Variants in KIT observed in about 807,000 individuals in gnomAD.
The protein encoded by KIT is KIT proto-oncogene, receptor tyrosine kinase, also known as mast/stem cell growth factor receptor Kit.
A neutral mutation model predicts 105.7 loss-of-function variants in KIT; 16 were observed. The ratio of observed to expected loss-of-function variants is 0.15; its 90% CI spans 0.10 to 0.23. The LOEUF is 0.23. Ranked by LOEUF, KIT falls within the 10% of genes least tolerant of loss-of-function variation. The probability of loss-of-function intolerance (pLI) is 1.00; values close to 1 mark genes in which losing one functional copy is unlikely to be tolerated. For synonymous variants in KIT, 438 were observed against 441.1 expected (o/e 0.99, Z 0.09); for missense variants, 858 against 1,213.8 (o/e 0.71, Z 4.36).
intron 1 of KIT, among the ~76,000 whole-genome samples, chr4:54,689,102 A>T (rs760177613): frequency 6.6e-6 from 1 of 152,180 alleles, no homozygotes; most frequent in Non-Finnish European, 1.5e-5. Flanking sequence ...GTTTTTGTAA[A>T]TTGGAGGCCC....
chr4:54,688,801 T>C (rs1239754542), intron 1 of KIT, among the ~76,000 whole-genome samples: 1 of 151,832 alleles, frequency 6.6e-6, no homozygotes, highest in Non-Finnish European at 1.5e-5. Flanking sequence ...AACTGAAGAG[T>C]AGTTGAACTA....
At chr4:54,730,903 C>A (rs1722545136) in intron 14 of KIT, among the ~76,000 whole-genome samples, 1 of 152,072 alleles carries the variant, frequency 6.6e-6, no homozygotes, top group Admixed American at 6.6e-5. Flanking sequence ...CTCCATCAGT[C>A]ACTATATGTT....
intron 7 of KIT, among the ~76,000 whole-genome samples, chr4:54,719,763 T>G (rs1339595925): frequency 6.6e-6 from 1 of 152,214 alleles, no homozygotes; most frequent in Non-Finnish European, 1.5e-5. Context: ...GTATATTTAA[T>G]GCCAAACACG....
At chr4:54,682,090 C>CTT (rs375084454) in intron 1 of KIT, among the ~76,000 whole-genome samples, 13,239 of 128,868 alleles carry the variant, frequency 0.1, 1,202 homozygotes, top group African/African-American at 0.25. Flanking sequence ...ACTGAATTTT[C>CTT]TTTTTTTTTT....
chr4:54,707,308 T>C (rs1250174724), intron 6 of KIT, 21 bp downstream of exon 6: 4 of 1,551,328 alleles, frequency 2.6e-6, no homozygotes, highest in Non-Finnish European at 3.6e-6. Context: ...GACCTTGCCC[T>C]GGGGGATTAC....
At chr4:54,694,462 C>T (rs1196892805) in intron 1 of KIT, among the ~76,000 whole-genome samples, 1 of 152,196 alleles carries the variant, frequency 6.6e-6, no homozygotes, top group African/African-American at 2.4e-5. Flanking sequence ...AGTGATCTCC[C>T]ACCTCAGCCT....
intron 2 of KIT, among the ~76,000 whole-genome samples, chr4:54,697,968 G>C (rs1720183380): frequency 6.6e-6 from 1 of 152,152 alleles, no homozygotes; most frequent in Admixed American, 6.5e-5. Context: ...TGTCACTTTA[G>C]GAGGGTTGCT....
At chr4:54,713,234 C>T (rs1170878498) in intron 7 of KIT, among the ~76,000 whole-genome samples, 2 of 151,984 alleles carry the variant, frequency 1.3e-5, no homozygotes, top group African/African-American at 2.4e-5. Context: ...ACACTATACC[C>T]GTGTATAGTC....
chr4:54,690,062 G>A lies in KIT; in HGVS notation c.68-5450G>A, dbSNP rs369346011. ...TAGAATGTTACTTTTTTTTTGTGGGGGGGGGGGGCTGTGTAATGTTCCATT... is the reference window on the plus strand; with the variant it reads ...TAGAATGTTACTTTTTTTTTGTGGGAGGGGGGGGCTGTGTAATGTTCCATT... On this transcript the variant is annotated intron_variant, in intron 1 of 20. Coordinates refer to ENST00000288135, the MANE Select transcript of KIT (RefSeq NM_000222.3). Among the ~76,000 whole-genome samples the A allele has an allele frequency of 4.5e-3, 628 of 138,532 alleles. 7 individuals are homozygous for A. Among genetic ancestry groups the A allele is most frequent in the Middle Eastern group, 0.011 (3 of 280 alleles). The allele number at this position is 138,532 out of a possible 152,430, so 90.9% of individuals were successfully genotyped here.
rs571545423 is a variant in KIT at position 54,739,917 on chromosome 4, G to C, written c.*1360G>C. 23 of 233,400 alleles carry C rather than the reference G, an allele frequency of 9.9e-5. No individual in the cohort carries two copies. The highest frequency in any genetic ancestry group is 1.7e-4 in the Non-Finnish European group (20 of 117,910). The allele number at this position is 233,400 out of a possible 1,614,324, so 14.5% of individuals were successfully genotyped here. On this transcript the variant is annotated 3_prime_UTR_variant, in exon 21 of 21. Coordinates refer to ENST00000288135, the MANE Select transcript of KIT (RefSeq NM_000222.3). ...CTCTGTTATTTAGACTCATCTTACT[G>C]TACCTGTTCCTTAGACCTTCCATAA...
rs1722935315 is a variant in KIT, at chr4:54,736,627, A to G, written c.2596+18A>G. 6.2e-7 allele frequency: 1 copy of G among 1,605,718 alleles called. No homozygotes were observed. The highest frequency in any genetic ancestry group is 1.7e-5 in the Admixed American group (1 of 59,988). On this transcript the variant is annotated intron_variant, in intron 18 of 20. Transcript: ENST00000288135. ...CTCTTTAGGTAAAATGATCCTTGCCAAAGACAACTTCATTAGACTCAGAGC... is the reference window on the plus strand; with the variant it reads ...CTCTTTAGGTAAAATGATCCTTGCCGAAGACAACTTCATTAGACTCAGAGC...
chr4:54,691,960 G>A (rs1380064646), intron 1 of KIT, among the ~76,000 whole-genome samples: 3 of 152,194 alleles, frequency 2.0e-5, no homozygotes, highest in African/African-American at 7.2e-5. Flanking sequence ...TACATAGGAA[G>A]TGGGTGAGTC....
At position 54,695,912 on chromosome 4, in the gene KIT, T is replaced by C. The variant is rs892166765; in HGVS notation, c.337+131T>C. On this transcript the variant is annotated intron_variant, in intron 2 of 20. Transcript: ENST00000288135. ...CTGGGTCTAGAAGGCCTAAAACACA[T>C]GTTTCTTCACTGTTCTCTCCCATCT... is the stretch of plus-strand genomic sequence containing the variant. The C allele has an allele frequency of 1.1e-5, 11 of 1,028,078 alleles. No homozygotes were observed. The African/African-American group carries it at 1.8e-4, about 16-fold the overall frequency. 63.7% of individuals were successfully genotyped at this position (1,028,078 alleles called of 1,614,324 possible).
intron 1 of KIT, among the ~76,000 whole-genome samples, chr4:54,688,762 T>C (rs1009489308): frequency 7.9e-5 from 12 of 151,610 alleles, no homozygotes; most frequent in Admixed American, 7.9e-4. Flanking sequence ...AATATTTTAT[T>C]TTTACGAATT....
intron 17 of KIT, among the ~76,000 whole-genome samples, chr4:54,736,130 G>A (rs781067173): frequency 6.6e-6 from 1 of 152,130 alleles, no homozygotes; most frequent in Non-Finnish European, 1.5e-5. Flanking sequence ...ATTGTGAGAG[G>A]CCGTGTTTCT....
At chr4:54,668,660 A>G (rs990577830) in intron 1 of KIT, among the ~76,000 whole-genome samples, 3 of 152,250 alleles carry the variant, frequency 2.0e-5, no homozygotes, top group African/African-American at 7.2e-5. Context: ...ACAGGATTCA[A>G]TTGGCTTCTG....
At chr4:54,685,075 C>G (rs1474580625) in intron 1 of KIT, among the ~76,000 whole-genome samples, 2 of 152,168 alleles carry the variant, frequency 1.3e-5, no homozygotes, top group Non-Finnish European at 2.9e-5. Flanking sequence ...ACTGTCTGAT[C>G]TGGAATTTCC....
rs1408486504 is a variant in KIT at position 54,740,048 on chromosome 4, C to T, written c.*1491C>T. On this transcript the variant is annotated 3_prime_UTR_variant, in exon 21 of 21. Transcript: ENST00000288135. ...AAACAAAACAAAACAAAACAAAAAACTCCCCTTCCTCACTGCCCAATATAA... is the reference window on the plus strand; with the variant it reads ...AAACAAAACAAAACAAAACAAAAAATTCCCCTTCCTCACTGCCCAATATAA... The T allele has an allele frequency of 4.3e-6, 1 of 233,500 alleles. No homozygotes were observed. The highest frequency in any genetic ancestry group is 6.0e-5 in the East Asian group (1 of 16,582). The allele number at this position is 233,500 out of a possible 1,614,324, so 14.5% of individuals were successfully genotyped here. A position where few individuals can be genotyped will look rare whatever the true frequency, so the allele number is the denominator to read the frequency against.
At chr4:54,723,560 A>G in intron 7 of KIT, 24 bp from the exon 8 acceptor site, 2 of 1,489,710 alleles carry the variant, frequency 1.3e-6, no homozygotes, top group Non-Finnish European at 1.9e-6. Flanking sequence ...ACTCTGACAT[A>G]TGGCCATTTC....
Sources: gnomAD v4.1 joint callset for allele counts (sites outside exome capture counted in the v4.1 genomes callset) on GRCh38, gnomAD v4.1.1 for gene constraint, MANE v1.5 for transcripts, NCBI Gene and HGNC (gene_info 2026-07-23, HGNC 2026-07-21) for gene names.